The following CNTNAP2 variants were observed in gnomAD, a reference collection of about 807,000 sequenced individuals.
CNTNAP2 encodes the protein contactin associated protein 2, also known as contactin-associated protein-like 2.
A neutral mutation model predicts 155.2 loss-of-function variants in CNTNAP2; 98 were observed. The ratio of observed to expected loss-of-function variants is 0.63; its 90% confidence interval spans 0.54 to 0.75. CNTNAP2 has a LOEUF of 0.75. Among genes scored for constraint, CNTNAP2 ranks in the 30% least tolerant of loss-of-function variants. The pLI is 0.00. For missense variants in CNTNAP2, 1,727 were observed against 1,688.1 expected (o/e 1.02, Z -0.40); for synonymous variants, 651 against 631.2 (o/e 1.03, Z -0.47).
chr7:147,882,038 C>A (rs1359784898), intron 13 of CNTNAP2, among the ~76,000 whole-genome samples: 1 of 151,902 alleles, frequency 6.6e-6, no homozygotes, highest in Non-Finnish European at 1.5e-5. Flanking sequence ...AAGAATATTT[C>A]TGTTACCGAG....
chr7:147,722,439 T>C (rs1211272492), intron 13 of CNTNAP2, among the ~76,000 whole-genome samples: 1 of 152,124 alleles, frequency 6.6e-6, no homozygotes, highest in East Asian at 1.9e-4. Context: ...TATCAAAGTA[T>C]GATATTTCTG....
chr7:146,453,742 G>GA (rs1431935710), intron 1 of CNTNAP2, among the ~76,000 whole-genome samples: 1 of 152,134 alleles, frequency 6.6e-6, no homozygotes, highest in Middle Eastern at 3.2e-3. Context: ...ATATAAAAGA[G>GA]ACTCTGATTT....
intron 3 of CNTNAP2, among the ~76,000 whole-genome samples, chr7:146,911,978 A>C (rs1345295193): frequency 6.6e-6 from 1 of 152,132 alleles, no homozygotes; most frequent in East Asian, 1.9e-4. Flanking sequence ...TTTGATTAAG[A>C]GGCATTTTTA....
chr7:147,002,815 G>T (rs1012434860), intron 3 of CNTNAP2, among the ~76,000 whole-genome samples: 5 of 151,482 alleles, frequency 3.3e-5, no homozygotes, highest in Middle Eastern at 3.2e-3. Flanking sequence ...AATCATGAGG[G>T]CACTTACCTT....
At chr7:147,201,327 A>G (rs748460501) in intron 8 of CNTNAP2, among the ~76,000 whole-genome samples, 1 of 152,236 alleles carries the variant, frequency 6.6e-6, no homozygotes, top group Non-Finnish European at 1.5e-5. Flanking sequence ...GAATGTTAAA[A>G]TAAGTATCCC....
At chr7:148,364,678 A>T (rs919020962) in intron 21 of CNTNAP2, among the ~76,000 whole-genome samples, 1 of 152,208 alleles carries the variant, frequency 6.6e-6, no homozygotes, top group Non-Finnish European at 1.5e-5. Flanking sequence ...CTTTGTATCT[A>T]GCTCAGGGAT....
rs557378585 is a variant in CNTNAP2 at position 146,236,308 on chromosome 7, A to G, written c.97+119335A>G. On this transcript the variant is annotated intron_variant, in intron 1 of 23. Transcript: ENST00000361727. ...GAGTTGATGCACTGAATGATGTAAT[A>G]TTTATTCATGTTAACAGTGGAAAAT... Among the ~76,000 whole-genome samples the G allele has an allele frequency of 4.6e-5, 7 of 152,314 alleles. No individual in the cohort carries two copies. In the South Asian group the frequency reaches 1.2e-3, roughly 27 times the overall value.
intron 21 of CNTNAP2, among the ~76,000 whole-genome samples, chr7:148,329,200 C>T (rs568160101): frequency 9.2e-5 from 14 of 152,222 alleles, no homozygotes; most frequent in African/African-American, 3.4e-4. Context: ...TTGCTGAAAG[C>T]TTCCAGTGGC....
In CNTNAP2 at chr7:148,404,880, T is replaced by C. The variant is rs189965155; in HGVS notation, c.3716-4511T>C. Among the ~76,000 whole-genome samples the C allele has an allele frequency of 1.6e-4, 24 of 152,306 alleles. No homozygotes were observed. In the East Asian group the frequency reaches 4.6e-3, roughly 29 times the overall value. On this transcript the variant is annotated intron_variant, in intron 22 of 23. Coordinates refer to ENST00000361727, the MANE Select transcript of CNTNAP2 (RefSeq NM_014141.6). ...GCTTTCCAACTGTCCAGTTACCTCT[T>C]CAACATTCAGATGCTGCTTCTCCTC...
chr7:146,241,866 A>G (rs1221334725), intron 1 of CNTNAP2, among the ~76,000 whole-genome samples: 6 of 151,924 alleles, frequency 3.9e-5, no homozygotes. Context: ...ACAAACATAT[A>G]TATATGAAAA....
At chr7:147,416,481 A>G (rs1193176414) in intron 10 of CNTNAP2, among the ~76,000 whole-genome samples, 2 of 152,232 alleles carry the variant, frequency 1.3e-5, no homozygotes, top group East Asian at 1.9e-4. Context: ...ATCAGAACCA[A>G]TACAACTCCA....
At chr7:148,006,240 A>G (rs112874278) in intron 15 of CNTNAP2, among the ~76,000 whole-genome samples, 265 of 152,212 alleles carry the variant, frequency 1.7e-3, no homozygotes, top group African/African-American at 6.2e-3. Context: ...AATAGAGAAT[A>G]TGAAAGAAAA....
rs1205154070 is a variant in CNTNAP2, at chr7:148,419,207, A to AC, written c.*3597dup. The AC allele has an allele frequency of 1.3e-5, 2 of 150,594 alleles. No homozygotes were observed. Among genetic ancestry groups the AC allele is most frequent in the Admixed American group, 6.6e-5 (1 of 15,038 alleles). The allele number at this position is 150,594 out of a possible 1,614,324, so 9.3% of individuals were successfully genotyped here. A position where few individuals can be genotyped will look rare whatever the true frequency, so the allele number is the denominator to read the frequency against. ...GCCTCCAAACAACACTGAATTTGAA[A>AC]CCCCCCATTTTTTCTTTTCACCACC... On this transcript the variant is annotated 3_prime_UTR_variant, in exon 24 of 24. Coordinates refer to ENST00000361727, the MANE Select transcript of CNTNAP2 (RefSeq NM_014141.6).
chr7:147,801,731 A>G (rs1167244161), intron 13 of CNTNAP2, among the ~76,000 whole-genome samples: 3 of 152,146 alleles, frequency 2.0e-5, no homozygotes, highest in South Asian at 2.1e-4. Flanking sequence ...TTCTTTCTAC[A>G]CAGACACGGC....
intron 8 of CNTNAP2, among the ~76,000 whole-genome samples, chr7:147,238,150 G>A (rs1803856139): frequency 6.6e-6 from 1 of 152,138 alleles, no homozygotes; most frequent in African/African-American, 2.4e-5. Context: ...GAGTAGCTGG[G>A]ACTACAGGCG....
intron 9 of CNTNAP2, among the ~76,000 whole-genome samples, chr7:147,388,449 C>A (rs780853239): frequency 2.6e-5 from 4 of 152,162 alleles, no homozygotes; most frequent in Non-Finnish European, 4.4e-5. Flanking sequence ...ATGATAGGAA[C>A]CATCTGTATA....
intron 3 of CNTNAP2, among the ~76,000 whole-genome samples, chr7:146,985,502 A>G (rs1798099941): frequency 6.6e-6 from 1 of 151,418 alleles, no homozygotes; most frequent in African/African-American, 2.4e-5. Context: ...TTGTATTTTT[A>G]GTAGAGACGG....
Position 147,665,778 on chromosome 7 carries a change from A to G in CNTNAP2, c.2098+26472A>G, listed in dbSNP as rs932178952. On this transcript the variant is annotated intron_variant, in intron 13 of 23. Coordinates refer to ENST00000361727, the MANE Select transcript of CNTNAP2 (RefSeq NM_014141.6). Reference sequence around the variant, plus strand: ...AGAATAATGGCCTCCAGCTCCATTCATGTTCCTACAGAGGACATGACCTCA... The same window carrying G: ...AGAATAATGGCCTCCAGCTCCATTCGTGTTCCTACAGAGGACATGACCTCA... Among the ~76,000 whole-genome samples the G allele has an allele frequency of 8.5e-5, 13 of 152,128 alleles. 1 individual carries two copies. In the South Asian group the frequency reaches 1.9e-3, roughly 22 times the overall value.
intron 8 of CNTNAP2, among the ~76,000 whole-genome samples, chr7:147,132,887 C>T (rs1801406390): frequency 6.6e-6 from 1 of 151,958 alleles, no homozygotes; most frequent in South Asian, 2.1e-4. Context: ...CATTCGTGTA[C>T]CTTTTACTAT....
Sources: gnomAD v4.1 joint callset for allele counts (sites outside exome capture counted in the v4.1 genomes callset) on GRCh38, gnomAD v4.1.1 for gene constraint, MANE v1.5 for transcripts, NCBI Gene and HGNC (gene_info 2026-07-23, HGNC 2026-07-21) for gene names.